NMNAT2: variants seen among roughly 807,000 people sequenced by gnomAD.
NMNAT2 encodes the protein nicotinamide nucleotide adenylyltransferase 2, also known as nicotinamide/nicotinic acid mononucleotide adenylyltransferase 2.
In NMNAT2, 11 loss-of-function variants were observed where a neutral mutation model predicts 41.6. The ratio of observed to expected loss-of-function variants is 0.26; its 90% CI spans 0.17 to 0.44. NMNAT2 has a LOEUF of 0.44. Among genes scored for constraint, NMNAT2 ranks in the 20% least tolerant of loss-of-function variants. The pLI is 1.00. For missense variants in NMNAT2, 288 were observed against 407.7 expected (o/e 0.71, Z 2.53); for synonymous variants, 148 against 151.2 (o/e 0.98, Z 0.16).
At chr1:183,291,183 C>G (rs1044291789) in intron 3 of NMNAT2, among the ~76,000 whole-genome samples, 5 of 152,158 alleles carry the variant, frequency 3.3e-5, no homozygotes, top group Non-Finnish European at 7.4e-5. Flanking sequence ...TCCCAAAGTG[C>G]TGGGATTACA....
chr1:183,348,861 C>T lies in NMNAT2; in HGVS notation c.86-55068G>A, dbSNP rs114468654. 5.0e-3 allele frequency among the ~76,000 whole-genome samples: 768 copies of T among 152,260 alleles called. 5 individuals carry two copies. Among genetic ancestry groups the T allele is most frequent in the Middle Eastern group, 0.01 (3 of 294 alleles). Reference sequence around the variant, plus strand: ...ACATAACTTCCCTGAAATGACATCCCCACCAGAAGATCAGAATACAAATCC... The same window carrying T: ...ACATAACTTCCCTGAAATGACATCCTCACCAGAAGATCAGAATACAAATCC... On this transcript the variant is annotated intron_variant, in intron 1 of 10. Transcript: ENST00000287713.
chr1:183,410,673 T>C (rs539813353), intron 1 of NMNAT2, among the ~76,000 whole-genome samples: 16 of 152,136 alleles, frequency 1.1e-4, no homozygotes, highest in Non-Finnish European at 1.9e-4. Context: ...AATTCCTTAA[T>C]GCGCCATGCT....
chr1:183,280,552 TA>T (rs1661233951), intron 7 of NMNAT2, among the ~76,000 whole-genome samples: 1 of 151,762 alleles, frequency 6.6e-6, no homozygotes, highest in South Asian at 2.1e-4. Flanking sequence ...CACACCTGGC[TA>T]ATTTTTGTAT....
chr1:183,340,458 G>A (rs1016705780), intron 1 of NMNAT2, among the ~76,000 whole-genome samples: 1 of 151,996 alleles, frequency 6.6e-6, no homozygotes, highest in Non-Finnish European at 1.5e-5. Flanking sequence ...TAAGTAGCTG[G>A]GATTACAGAC....
intron 1 of NMNAT2, among the ~76,000 whole-genome samples, chr1:183,384,348 C>A (rs1294925185): frequency 6.6e-6 from 1 of 152,046 alleles, no homozygotes; most frequent in Non-Finnish European, 1.5e-5. Context: ...TACAGGCATG[C>A]ATCACCATGC....
intron 1 of NMNAT2, among the ~76,000 whole-genome samples, chr1:183,314,013 T>C (rs1662186857): frequency 6.6e-6 from 1 of 152,130 alleles, no homozygotes; most frequent in African/African-American, 2.4e-5. Flanking sequence ...TTGAGCCACA[T>C]GTTTATGAGA....
intron 2 of NMNAT2, 134 bp from the exon 3 acceptor site, chr1:183,292,991 C>G (rs1341160442): frequency 1.3e-6 from 1 of 799,252 alleles, no homozygotes; most frequent in East Asian, 2.6e-5. Flanking sequence ...AATGTGACCC[C>G]TTTACTTGTC....
chr1:183,278,686 G>T, intron 7 of NMNAT2, 57 bp from the exon 8 acceptor site: 1 of 1,257,142 alleles, frequency 8.0e-7, no homozygotes, highest in South Asian at 1.2e-5. Context: ...GGAAGCATTT[G>T]ACCCTCAGCC....
chr1:183,398,074 T>C (rs1407938350), intron 1 of NMNAT2, among the ~76,000 whole-genome samples: 3 of 152,144 alleles, frequency 2.0e-5, no homozygotes, highest in Admixed American at 6.5e-5. Context: ...TAACCTTAAA[T>C]GTAAATGAGC....
intron 1 of NMNAT2, among the ~76,000 whole-genome samples, chr1:183,388,501 T>C (rs1036192923): frequency 6.6e-6 from 1 of 152,218 alleles, no homozygotes; most frequent in Non-Finnish European, 1.5e-5. Flanking sequence ...TTATTAACCA[T>C]ATGGTCCTTG....
intron 8 of NMNAT2, 54 bp downstream of exon 8, chr1:183,278,499 C>T (rs1442817792): frequency 3.1e-6 from 4 of 1,285,320 alleles, no homozygotes; most frequent in Middle Eastern, 1.8e-4. Context: ...CAAATGCACA[C>T]TTCCCATCCC....
chr1:183,265,509 C>A (rs1424868935), intron 8 of NMNAT2, among the ~76,000 whole-genome samples: 1 of 152,084 alleles, frequency 6.6e-6, no homozygotes, highest in Non-Finnish European at 1.5e-5. Flanking sequence ...TCATGATCCA[C>A]CTCCCTCGGC....
chr1:183,374,129 C>T (rs558894526), intron 1 of NMNAT2, among the ~76,000 whole-genome samples: 1 of 152,316 alleles, frequency 6.6e-6, no homozygotes, highest in South Asian at 2.1e-4. Context: ...GCTCCAAGGT[C>T]ATCCATGTAG....
intron 1 of NMNAT2, among the ~76,000 whole-genome samples, chr1:183,367,443 C>T (rs1002263931): frequency 8.6e-5 from 13 of 152,010 alleles, no homozygotes; most frequent in African/African-American, 1.2e-4. Flanking sequence ...GGGCAACAAG[C>T]GCAAAACTCT....
chr1:183,368,361 C>G (rs1321002052), intron 1 of NMNAT2, among the ~76,000 whole-genome samples: 4 of 152,090 alleles, frequency 2.6e-5, no homozygotes, highest in Non-Finnish European at 2.9e-5. Flanking sequence ...TTCCTGGAGG[C>G]CGGAATAAGG....
At chr1:183,353,447 C>T (rs1663111349) in intron 1 of NMNAT2, among the ~76,000 whole-genome samples, 1 of 152,144 alleles carries the variant, frequency 6.6e-6, no homozygotes, top group Admixed American at 6.5e-5. Context: ...TTTTGAAATG[C>T]CCTAAAAGAG....
At chr1:183,259,998 C>T (rs1272768159) in intron 10 of NMNAT2, among the ~76,000 whole-genome samples, 1 of 152,244 alleles carries the variant, frequency 6.6e-6, no homozygotes, top group African/African-American at 2.4e-5. Context: ...TTCCACTCAA[C>T]ATTTCCACTT....
intron 1 of NMNAT2, among the ~76,000 whole-genome samples, chr1:183,329,284 A>G (rs1262258753): frequency 6.6e-6 from 1 of 152,188 alleles, no homozygotes; most frequent in Non-Finnish European, 1.5e-5. Flanking sequence ...TTGAAGATAA[A>G]TATTATAAAA....
At chr1:183,318,148 C>T (rs966732489) in intron 1 of NMNAT2, among the ~76,000 whole-genome samples, 1 of 152,162 alleles carries the variant, frequency 6.6e-6, no homozygotes, top group African/African-American at 2.4e-5. Context: ...GCTTCGACTC[C>T]CAGACATCCG....
Sources: allele counts gnomAD v4.1 joint callset (sites outside exome capture counted in the v4.1 genomes callset), GRCh38; gene constraint gnomAD v4.1.1; transcripts MANE v1.5; gene names NCBI Gene and HGNC (gene_info 2026-07-23, HGNC 2026-07-21).